GRID1: variants seen among roughly 807,000 people sequenced by gnomAD.
The protein encoded by GRID1 is glutamate receptor ionotropic, delta-1.
Under a neutral mutation model 98.0 loss-of-function variants are expected in GRID1, and 28 were observed. The ratio of observed to expected loss-of-function variants is 0.29; its 90% CI spans 0.21 to 0.39. The LOEUF (loss-of-function observed/expected upper bound fraction) is 0.39. GRID1 is among the 10% of genes least tolerant of loss of function. GRID1 has a pLI of 1.00. For synonymous variants in GRID1, 553 were observed against 538.5 expected, an observed-to-expected ratio of 1.03 and a Z score of -0.37; for missense variants, 1,111 against 1,340.5, an observed-to-expected ratio of 0.83 and a Z score of 2.67.
intron 13 of GRID1, among the ~76,000 whole-genome samples, chr10:85,632,303 A>G (rs988893945): frequency 6.6e-6 from 1 of 152,164 alleles, no homozygotes; most frequent in Admixed American, 6.5e-5. Flanking sequence ...TCTAAAATTC[A>G]AGAATAAATA....
chr10:85,757,219 G>A (rs1842107920), intron 8 of GRID1, among the ~76,000 whole-genome samples: 1 of 152,238 alleles, frequency 6.6e-6, no homozygotes, highest in Non-Finnish European at 1.5e-5. Context: ...ACCTAATCTC[G>A]CTTGGAAGAA....
chr10:86,184,968 C>T (rs1845708633), intron 3 of GRID1, among the ~76,000 whole-genome samples: 1 of 152,108 alleles, frequency 6.6e-6, no homozygotes, highest in Admixed American at 6.5e-5. Flanking sequence ...ATTCTAGGTA[C>T]TTTACATTTC....
intron 5 of GRID1, among the ~76,000 whole-genome samples, chr10:85,905,147 T>C (rs1251216562): frequency 6.6e-6 from 1 of 151,970 alleles, no homozygotes; most frequent in Admixed American, 6.6e-5. Context: ...AAAGAGCATG[T>C]TATATACAGA....
intron 4 of GRID1, among the ~76,000 whole-genome samples, chr10:86,125,975 T>G (rs1844746707): frequency 6.6e-6 from 1 of 152,122 alleles, no homozygotes; most frequent in Admixed American, 6.5e-5. Context: ...GGAGTTAAGT[T>G]TTGGGGGAGT....
intron 12 of GRID1, among the ~76,000 whole-genome samples, chr10:85,702,275 T>C (rs1472514705): frequency 6.6e-6 from 1 of 152,000 alleles, no homozygotes; most frequent in Non-Finnish European, 1.5e-5. Context: ...AATAAAAATA[T>C]ATAAGTAGAA....
At position 86,366,176 on chromosome 10, in the gene GRID1, G is replaced by A. The variant is rs1396977993; in HGVS notation, c.79+138C>T. On this transcript the variant is annotated intron_variant, in intron 1 of 15. Transcript: ENST00000327946. The surrounding 1 kb of genome is among the most constrained non-coding windows in gnomAD (Gnocchi z 4.1). ...GGCCGGTGCACAGCTCCTCCGCCGGGCGGCGCGGCGCGGCCCTTCGGGGGA... is the reference window on the plus strand; with the variant it reads ...GGCCGGTGCACAGCTCCTCCGCCGGACGGCGCGGCGCGGCCCTTCGGGGGA... The A allele has an allele frequency of 2.0e-5, 8 of 405,350 alleles. No homozygotes were observed. The highest frequency in any genetic ancestry group is 3.3e-5 in the Non-Finnish European group (8 of 246,020). 25.1% of individuals were successfully genotyped at this position (405,350 alleles called of 1,614,324 possible).
chr10:86,059,116 C>T (rs756780519), intron 4 of GRID1, among the ~76,000 whole-genome samples: 6 of 152,164 alleles, frequency 3.9e-5, no homozygotes, highest in Non-Finnish European at 7.3e-5. Context: ...TTGAATAAGT[C>T]ATGACAAAGC....
At chr10:85,727,829 C>T (rs376722613) in intron 10 of GRID1, 26 bp downstream of exon 10, 269 of 1,573,678 alleles carry the variant, frequency 1.7e-4, no homozygotes, top group Admixed American at 1.5e-3. Flanking sequence ...GGTGCCCCTC[C>T]CCCTGGATCT....
chr10:85,607,000 C>T lies in GRID1; in HGVS notation c.2602-4299G>A, dbSNP rs565520139. 7.9e-5 allele frequency: 12 copies of T among 152,238 alleles called. No individual in the cohort carries two copies. In the South Asian group the frequency reaches 2.5e-3, roughly 32 times the overall value. The allele number at this position is 152,238 out of a possible 1,614,324, so 9.4% of individuals were successfully genotyped here. On this transcript the variant is annotated intron_variant, in intron 15 of 15. Coordinates refer to ENST00000327946, the MANE Select transcript of GRID1 (RefSeq NM_017551.3). The stretch of plus-strand genomic sequence containing the variant: ...GTAGGTAACTGACCTAGTCAAACAT[C>T]CCTGAATATGATATAAAATTCACAG...
intron 8 of GRID1, among the ~76,000 whole-genome samples, chr10:85,763,695 C>T (rs1842170175): frequency 6.6e-6 from 1 of 152,184 alleles, no homozygotes; most frequent in African/African-American, 2.4e-5. Flanking sequence ...TAAGCAGTGT[C>T]CTCTGCATTT....
At chr10:86,124,493 C>T (rs768072710) in intron 4 of GRID1, among the ~76,000 whole-genome samples, 9 of 152,192 alleles carry the variant, frequency 5.9e-5, no homozygotes, top group South Asian at 2.1e-4. Flanking sequence ...TCTCAATAAA[C>T]GCCTACTTCT....
chr10:85,873,348 TACA>T (rs1843297617), intron 5 of GRID1, among the ~76,000 whole-genome samples: 1 of 152,202 alleles, frequency 6.6e-6, no homozygotes, highest in Non-Finnish European at 1.5e-5. Flanking sequence ...ATAATGTATA[TACA>T]ACACTATTAG....
intron 8 of GRID1, among the ~76,000 whole-genome samples, chr10:85,816,243 T>G (rs1158649964): frequency 6.6e-6 from 1 of 152,186 alleles, no homozygotes; most frequent in Non-Finnish European, 1.5e-5. Context: ...ATAATGCCCT[T>G]ATTCAGAATT....
intron 12 of GRID1, among the ~76,000 whole-genome samples, chr10:85,720,352 G>A (rs984346136): frequency 8.6e-5 from 13 of 151,902 alleles, no homozygotes; most frequent in Admixed American, 1.3e-4. Context: ...ATAGATGCAC[G>A]TCCTAGAATA....
At chr10:85,755,282 A>T (rs977318861) in intron 8 of GRID1, among the ~76,000 whole-genome samples, 4 of 152,192 alleles carry the variant, frequency 2.6e-5, no homozygotes, top group Non-Finnish European at 5.9e-5. Context: ...CAGTTCAATG[A>T]GCTAATGGAG....
At chr10:86,349,141 A>G (rs1349425447) in intron 2 of GRID1, among the ~76,000 whole-genome samples, 1 of 152,192 alleles carries the variant, frequency 6.6e-6, no homozygotes, top group Non-Finnish European at 1.5e-5. Flanking sequence ...TCACTGCCCT[A>G]GACCTGCAAC....
chr10:86,161,420 C>T (rs895172941), intron 3 of GRID1, among the ~76,000 whole-genome samples: 1 of 152,132 alleles, frequency 6.6e-6, no homozygotes, highest in Non-Finnish European at 1.5e-5. Context: ...ACGAAGCTCC[C>T]ACCTGGTGCC....
At chr10:86,158,705 G>A (rs1484400139) in intron 3 of GRID1, among the ~76,000 whole-genome samples, 6 of 152,138 alleles carry the variant, frequency 3.9e-5, no homozygotes, top group African/African-American at 1.4e-4. Context: ...ATGAGCAGAT[G>A]TCCCCACTCA....
At chr10:86,074,687 G>A (rs577764651) in intron 4 of GRID1, among the ~76,000 whole-genome samples, 155 of 152,284 alleles carry the variant, frequency 1.0e-3, no homozygotes, top group African/African-American at 3.6e-3. Flanking sequence ...TTGATATAAT[G>A]ATTCCCTTTC....
Sources: allele counts gnomAD v4.1 joint callset (sites outside exome capture counted in the v4.1 genomes callset), GRCh38; gene constraint gnomAD v4.1.1; non-coding constraint Gnocchi (gnomAD v3.1); transcripts MANE v1.5; gene names NCBI Gene and HGNC (gene_info 2026-07-23, HGNC 2026-07-21).